ADGRL2: variants seen among roughly 807,000 people sequenced by gnomAD.
ADGRL2 encodes adhesion G protein-coupled receptor L2, also known as calcium-independent alpha-latrotoxin receptor 2.
Under a neutral mutation model 157.4 loss-of-function variants are expected in ADGRL2, and 44 were observed. That is an observed-to-expected ratio of 0.28 (90% CI 0.22 to 0.36). The LOEUF (loss-of-function observed/expected upper bound fraction) is 0.36, where lower values mean the gene tolerates loss of function less well. Ranked by LOEUF, ADGRL2 falls within the 10% of genes least tolerant of loss-of-function variation. The pLI, the probability that ADGRL2 is intolerant of heterozygous loss-of-function variation, is 1.00. For synonymous variants in ADGRL2, 585 were observed against 624.7 expected (o/e 0.94, Z 0.95); for missense variants, 1,510 against 1,768.9 (o/e 0.85, Z 2.63).
In ADGRL2 at chr1:81,413,087, C is replaced by T. The variant is rs571265765; in HGVS notation, c.-301-31949C>T. Among the ~76,000 whole-genome samples, 3 of 151,930 alleles carry T rather than the reference C, an allele frequency of 2.0e-5. No individual in the cohort carries two copies. The East Asian group carries it at 5.8e-4, about 29-fold the overall frequency. ...CTCTTAAGTAAAGGGGACTTTTATTCCTCTAATTACCTTCGAATTACCAGG... is the reference window on the plus strand; with the variant it reads ...CTCTTAAGTAAAGGGGACTTTTATTTCTCTAATTACCTTCGAATTACCAGG... On this transcript the variant is annotated intron_variant, in intron 1 of 24. Transcript: ENST00000370721.
At chr1:81,572,714 A>C (rs2080720303) in intron 2 of ADGRL2, among the ~76,000 whole-genome samples, 1 of 152,106 alleles carries the variant, frequency 6.6e-6, no homozygotes, top group African/African-American at 2.4e-5. Context: ...TAAGGAGAAA[A>C]AAGTTTCCTG....
At position 81,381,324 on chromosome 1, in the gene ADGRL2, G is replaced by A. The variant is rs531665580; in HGVS notation, c.-301-63712G>A. Among the ~76,000 whole-genome samples the A allele has an allele frequency of 5.3e-5, 8 of 152,238 alleles. No individual in the cohort carries two copies. The East Asian group carries it at 1.5e-3, about 29-fold the overall frequency. ...TCCCTAAATAATAGTAAAAATTAGT[G>A]AAGATAGTAGGGATCTTAATCTTAT... On this transcript the variant is annotated intron_variant, in intron 1 of 24. Coordinates refer to the ADGRL2 transcript ENST00000370721.
At chr1:81,714,560 T>C (rs2084044382) in intron 1 of ADGRL2, among the ~76,000 whole-genome samples, 1 of 152,214 alleles carries the variant, frequency 6.6e-6, no homozygotes, top group African/African-American at 2.4e-5. Context: ...TGCATCATTT[T>C]TGATACATTT....
At chr1:81,696,899 T>C (rs954268236), upstream of ADGRL2, among the ~76,000 whole-genome samples, 3 of 152,130 alleles carry the variant, frequency 2.0e-5, no homozygotes, top group African/African-American at 7.2e-5. Flanking sequence ...AGACAATCAT[T>C]AAAATAAAAG....
At chr1:81,397,777 T>A (rs1237759005) in intron 1 of ADGRL2, among the ~76,000 whole-genome samples, 2 of 152,228 alleles carry the variant, frequency 1.3e-5, no homozygotes, top group Non-Finnish European at 2.9e-5. Context: ...AAAAGGAATG[T>A]GTATTCTGCA....
chr1:81,808,869 C>T (rs950413646), intron 1 of ADGRL2, among the ~76,000 whole-genome samples: 2 of 152,050 alleles, frequency 1.3e-5, no homozygotes, highest in African/African-American at 4.8e-5. Flanking sequence ...GGAACAAGCA[C>T]AACCGCTACT....
chr1:81,964,542 T>C (rs907949001), intron 11 of ADGRL2, among the ~76,000 whole-genome samples: 1 of 152,134 alleles, frequency 6.6e-6, no homozygotes, highest in Non-Finnish European at 1.5e-5. Context: ...TTTCAGGGTT[T>C]GACATGTGGT....
intron 17 of ADGRL2, among the ~76,000 whole-genome samples, chr1:81,974,673 G>A (rs1659666413): frequency 6.6e-6 from 1 of 152,144 alleles, no homozygotes; most frequent in South Asian, 2.1e-4. Flanking sequence ...ACTGCAAGCT[G>A]TGGAATGAAT....
intron 1 of ADGRL2, among the ~76,000 whole-genome samples, chr1:81,320,799 T>C (rs905678839): frequency 6.6e-6 from 1 of 152,154 alleles, no homozygotes; most frequent in Non-Finnish European, 1.5e-5. Flanking sequence ...CTCGAGTAGA[T>C]TTAGCATAAT....
chr1:81,365,675 C>A (rs1363921507), intron 1 of ADGRL2, among the ~76,000 whole-genome samples: 2 of 152,148 alleles, frequency 1.3e-5, no homozygotes, highest in Non-Finnish European at 2.9e-5. Context: ...TTAACAACCA[C>A]CATACCCACA....
chr1:81,394,998 A>G (rs187915475), intron 1 of ADGRL2, among the ~76,000 whole-genome samples: 57 of 152,114 alleles, frequency 3.7e-4, no homozygotes, highest in Middle Eastern at 6.8e-3. Flanking sequence ...TCCCAGGTTC[A>G]AGCAATTCTC....
chr1:81,607,904 C>A (rs72935297), intron 3 of ADGRL2, among the ~76,000 whole-genome samples: 4,012 of 152,248 alleles, frequency 0.026, 170 homozygotes, highest in African/African-American at 0.092. Context: ...TTAAATGTAG[C>A]TTTCTTTCCT....
intron 2 of ADGRL2, among the ~76,000 whole-genome samples, chr1:81,774,194 A>G (rs1375400929): frequency 6.6e-6 from 1 of 152,228 alleles, no homozygotes; most frequent in Non-Finnish European, 1.5e-5. Context: ...AGTACTAGTC[A>G]GTCATGAAGG....
At position 81,459,810 on chromosome 1, in the gene ADGRL2, T is replaced by TTG. The variant is rs1309288143; in HGVS notation, c.-248+14723_-248+14724dup. On this transcript the variant is annotated intron_variant, in intron 2 of 24. Coordinates refer to the ADGRL2 transcript ENST00000370721. ...TGTGTATATATATATATGTATGTGT[T>TTG]TGTATATATATATATATATATACAC... 4.4e-3 allele frequency among the ~76,000 whole-genome samples: 270 copies of TTG among 61,196 alleles called. 1 individual carries two copies. Among genetic ancestry groups the TTG allele is most frequent in the Non-Finnish European group, 8.3e-3 (227 of 27,320 alleles). The allele number at this position is 61,196 out of a possible 152,430, so 40.1% of individuals were successfully genotyped here.
chr1:81,420,104 AC>A (rs1183421873), intron 1 of ADGRL2, among the ~76,000 whole-genome samples: 1 of 152,212 alleles, frequency 6.6e-6, no homozygotes, highest in Non-Finnish European at 1.5e-5. Context: ...AGGCAACCTA[AC>A]CTGTAATCTA....
Position 81,871,415 on chromosome 1 carries a change from A to G in ADGRL2, c.73+34358A>G, listed in dbSNP as rs567549367. On this transcript the variant is annotated intron_variant, in intron 2 of 23. Coordinates refer to ENST00000686636, the MANE Select transcript of ADGRL2 (RefSeq NM_001366006.2). ...AACATATGTATGCATGTGTCTTTATAGCAGCATGATTTATAATCCTTTGGG... is the reference window on the plus strand; with the variant it reads ...AACATATGTATGCATGTGTCTTTATGGCAGCATGATTTATAATCCTTTGGG... 1.2e-4 allele frequency among the ~76,000 whole-genome samples: 18 copies of G among 152,262 alleles called. 1 individual carries two copies. The East Asian group carries it at 3.5e-3, about 29-fold the overall frequency.
intron 11 of ADGRL2, among the ~76,000 whole-genome samples, chr1:81,958,716 A>G (rs1654395868): frequency 6.6e-6 from 1 of 152,170 alleles, no homozygotes; most frequent in Non-Finnish European, 1.5e-5. Context: ...GTACACTCTT[A>G]TGATCATCAG....
intron 2 of ADGRL2, among the ~76,000 whole-genome samples, chr1:81,885,520 A>G (rs567845049): frequency 1.8e-4 from 27 of 152,202 alleles, no homozygotes; most frequent in Non-Finnish European, 1.5e-4. Context: ...TACTGCTCAC[A>G]GATAGAAAAG....
intron 3 of ADGRL2, among the ~76,000 whole-genome samples, chr1:81,607,506 C>T (rs898110905): frequency 6.6e-6 from 1 of 152,144 alleles, no homozygotes; most frequent in South Asian, 2.1e-4. Flanking sequence ...GTTATCTAAA[C>T]TGCACGTGGA....
Sources: allele counts gnomAD v4.1 joint callset (sites outside exome capture counted in the v4.1 genomes callset), GRCh38; gene constraint gnomAD v4.1.1; transcripts MANE v1.5; gene names NCBI Gene and HGNC (gene_info 2026-07-23, HGNC 2026-07-21).